The following FAM163A variants were observed in gnomAD, a reference collection of about 807,000 sequenced individuals.
FAM163A encodes family with sequence similarity 163 member A, also known as protein FAM163A.
In FAM163A, 7 loss-of-function variants were observed where a neutral mutation model predicts 12.0. That is an observed-to-expected ratio of 0.58 (90% CI 0.33 to 1.10). The LOEUF (loss-of-function observed/expected upper bound fraction) is 1.10. FAM163A is among the 50% of genes least tolerant of loss of function. FAM163A has a pLI of 0.03. For missense variants in FAM163A, 202 were observed against 218.6 expected (o/e 0.92, Z 0.48); for synonymous variants, 101 against 91.0 (o/e 1.11, Z -0.62).
chr1:179,746,265 C>G (rs886285958), intron 1 of FAM163A, among the ~76,000 whole-genome samples: 5 of 152,168 alleles, frequency 3.3e-5, no homozygotes, highest in Non-Finnish European at 7.3e-5. Flanking sequence ...AGGAATTGAA[C>G]TTGTTGTTAA....
At position 179,758,444 on chromosome 1, in the gene FAM163A, A is replaced by G. The variant is rs535405612; in HGVS notation, c.-136+15021A>G. 2.0e-5 allele frequency among the ~76,000 whole-genome samples: 3 copies of G among 152,300 alleles called. No individual in the cohort carries two copies. In the East Asian group the frequency reaches 5.8e-4, roughly 29 times the overall value. ...AACAACAGAAAGAAAAAAAGGGTGA[A>G]CGCCCCACCCCTACTCCATCACCTT... On this transcript the variant is annotated intron_variant, in intron 1 of 4. Transcript: ENST00000341785.
At chr1:179,735,495 C>CTTTTTTTTTTTTTTTT in the FAM163A span, among the ~76,000 whole-genome samples, 2 of 62,136 alleles carry the variant, frequency 3.2e-5, 1 homozygote, top group East Asian at 1.1e-3. Context: ...GAGTTACATT[C>CTTTTTTTTTTTTTTTT]TTTTTTTTTT....
chr1:179,738,851 GA>G (rs1470160232), upstream of FAM163A, among the ~76,000 whole-genome samples: 1 of 152,180 alleles, frequency 6.6e-6, no homozygotes, highest in East Asian at 1.9e-4. Flanking sequence ...AAAGGAACTA[GA>G]AGAGCTAAAA....
chr1:179,744,569 C>G (rs552734936), intron 1 of FAM163A, among the ~76,000 whole-genome samples: 2 of 152,294 alleles, frequency 1.3e-5, no homozygotes, highest in South Asian at 4.1e-4. Flanking sequence ...ACACACCAGC[C>G]GTGTTTTCCT....
intron 1 of FAM163A, among the ~76,000 whole-genome samples, chr1:179,771,921 C>T (rs757486999): frequency 1.3e-5 from 2 of 152,128 alleles, no homozygotes; most frequent in Non-Finnish European, 2.9e-5. Context: ...CTCTTTGACT[C>T]ATCTGCTGGC....
rs769036243 is a variant in FAM163A at position 179,809,719 on chromosome 1, G to A, written c.-45+1831G>A. On this transcript the variant is annotated intron_variant, in intron 2 of 4. Coordinates refer to ENST00000341785, the MANE Select transcript of FAM163A (RefSeq NM_173509.3). ...CTGGAACACTAGTCCAAGCCTGTCTGTGGGGTGGATCACTGCTGCCTCCCC... is the reference window on the plus strand; with the variant it reads ...CTGGAACACTAGTCCAAGCCTGTCTATGGGGTGGATCACTGCTGCCTCCCC... Among the ~76,000 whole-genome samples, 104 of 152,304 alleles carry A rather than the reference G, an allele frequency of 6.8e-4. 1 individual carries two copies. Among genetic ancestry groups the A allele is most frequent in the Middle Eastern group, 3.4e-3 (1 of 294 alleles).
At chr1:179,798,378 G>A (rs1273773163) in intron 1 of FAM163A, among the ~76,000 whole-genome samples, 1 of 152,194 alleles carries the variant, frequency 6.6e-6, no homozygotes. Context: ...CTCACACGGG[G>A]CTTGCCCCGT....
chr1:179,794,633 G>T (rs1464978146), intron 1 of FAM163A, among the ~76,000 whole-genome samples: 1 of 152,168 alleles, frequency 6.6e-6, no homozygotes, highest in African/African-American at 2.4e-5. Flanking sequence ...GGCTTATGTG[G>T]TGCTTTTTAA....
In FAM163A at chr1:179,813,940, C is replaced by G. The variant is rs534077078; in HGVS notation, c.255C>G (p.Ser85Arg). ...SLAPLTSEPC[S>R]QPCGVAASHC... ...CGCCTCTCACCAGCGAGCCCTGCAG[C>G]CAGCCCTGTGGGGTGGCCGCGAGCC... is the stretch of plus-strand genomic sequence containing the variant. The change falls in exon 5 of 5, where the codon AGC becomes AGG. Residue 85 changes from serine (S) to arginine (R), a missense_variant. By Grantham distance (110) the Ser-to-Arg change is moderately radical (BLOSUM62 -1). Transcript: ENST00000341785. 2 of 1,613,778 alleles carry G rather than the reference C, an allele frequency of 1.2e-6. No homozygotes were observed. The highest frequency in any genetic ancestry group is 1.3e-5 in the African/African-American group (1 of 75,066).
chr1:179,735,495 CTTT>C, the FAM163A span, among the ~76,000 whole-genome samples: 2 of 62,136 alleles, frequency 3.2e-5, no homozygotes, highest in East Asian at 1.1e-3. Context: ...GAGTTACATT[CTTT>C]TTTTTTTTTT....
At chr1:179,801,895 C>T (rs1286620285) in intron 1 of FAM163A, among the ~76,000 whole-genome samples, 3 of 152,144 alleles carry the variant, frequency 2.0e-5, no homozygotes, top group Non-Finnish European at 4.4e-5. Flanking sequence ...ATGGTCTAAA[C>T]TGTAAAGGAG....
chr1:179,750,010 A>C lies in FAM163A; in HGVS notation c.-136+6587A>C, dbSNP rs1685047350. 3.9e-5 allele frequency among the ~76,000 whole-genome samples: 6 copies of C among 152,342 alleles called. 1 individual carries two copies. The South Asian group carries it at 1.2e-3, about 32-fold the overall frequency. Reference sequence around the variant, plus strand: ...GTCTGTGAATTGGGGAAAGACTACCAGGATTCTGTTTTAATGCAGGAAACC... The same window carrying C: ...GTCTGTGAATTGGGGAAAGACTACCCGGATTCTGTTTTAATGCAGGAAACC... On this transcript the variant is annotated intron_variant, in intron 1 of 4. Transcript: ENST00000341785.
intron 2 of FAM163A, among the ~76,000 whole-genome samples, chr1:179,808,847 A>T (rs1148824): frequency 0.41 from 61,939 of 151,900 alleles, 13,491 homozygotes; most frequent in African/African-American, 0.54. Context: ...GTGTAAGGAG[A>T]TATTGCCAGC....
chr1:179,785,666 C>A (rs12130143), intron 1 of FAM163A, among the ~76,000 whole-genome samples: 1 of 151,936 alleles, frequency 6.6e-6, no homozygotes, highest in South Asian at 2.1e-4. Flanking sequence ...ATAATTCCAC[C>A]CCTTAAAAAA....
At chr1:179,759,677 T>A (rs1280855806) in intron 1 of FAM163A, among the ~76,000 whole-genome samples, 2 of 151,972 alleles carry the variant, frequency 1.3e-5, no homozygotes, top group African/African-American at 4.8e-5. Flanking sequence ...GATCCCCTTT[T>A]TTTTTTTGAG....
chr1:179,794,369 C>G (rs185367993), intron 1 of FAM163A, among the ~76,000 whole-genome samples: 2 of 152,184 alleles, frequency 1.3e-5, no homozygotes, highest in South Asian at 2.1e-4. Flanking sequence ...ATAGTACCCC[C>G]ATTCACTCAA....
At chr1:179,782,736 C>T (rs1445334130) in intron 1 of FAM163A, among the ~76,000 whole-genome samples, 2 of 152,122 alleles carry the variant, frequency 1.3e-5, no homozygotes, top group Non-Finnish European at 2.9e-5. Context: ...GTCCTGAGTC[C>T]GCGCTTTCAT....
intron 1 of FAM163A, among the ~76,000 whole-genome samples, chr1:179,784,147 G>T (rs1181852170): frequency 6.6e-6 from 1 of 152,162 alleles, no homozygotes; most frequent in Non-Finnish European, 1.5e-5. Flanking sequence ...GCAATTCAGG[G>T]TTGGGCGTAA....
intron 1 of FAM163A, among the ~76,000 whole-genome samples, chr1:179,745,309 G>A (rs1214693820): frequency 2.0e-5 from 3 of 151,920 alleles, no homozygotes; most frequent in Non-Finnish European, 2.9e-5. Context: ...ATGAGAGCAG[G>A]TCCCCCTGTT....
Sources: allele counts gnomAD v4.1 joint callset (sites outside exome capture counted in the v4.1 genomes callset), GRCh38; gene constraint gnomAD v4.1.1; transcripts MANE v1.5; gene names NCBI Gene and HGNC (gene_info 2026-07-23, HGNC 2026-07-21).